Variants in SHANK1 observed in about 807,000 individuals in gnomAD.
The protein encoded by SHANK1 is SH3 and multiple ankyrin repeat domains 1.
A neutral mutation model predicts 165.6 loss-of-function variants in SHANK1; 35 were observed. The ratio of observed to expected loss-of-function variants is 0.21; its 90% CI spans 0.16 to 0.28. The LOEUF (loss-of-function observed/expected upper bound fraction) is 0.28, where lower values mean the gene tolerates loss of function less well. SHANK1 is among the 10% of genes least tolerant of loss of function. SHANK1 has a pLI of 1.00. For missense variants in SHANK1, 2,681 were observed against 3,036.4 expected (o/e 0.88, Z 2.75); for synonymous variants, 1,428 against 1,384.8 (o/e 1.03, Z -0.69).
rs1985153381 is a variant in SHANK1 at position 50,660,314 on chromosome 19, C to T, written c.*1651G>A. 1.3e-5 allele frequency among the ~76,000 whole-genome samples: 2 copies of T among 151,786 alleles called. No individual in the cohort carries two copies. Among genetic ancestry groups the T allele is most frequent in the Admixed American group, 6.6e-5 (1 of 15,238 alleles). Reference sequence around the variant, plus strand: ...AGGTTAGGAGAGGGCAATCTTCGTGCAAAAGGGATGGACAGATGGCCCAGG... The same window carrying T: ...AGGTTAGGAGAGGGCAATCTTCGTGTAAAAGGGATGGACAGATGGCCCAGG... On this transcript the variant is annotated 3_prime_UTR_variant, in exon 24 of 24. Coordinates refer to ENST00000293441, the MANE Select transcript of SHANK1 (RefSeq NM_016148.5).
At chr19:50,689,474 C>A in intron 15 of SHANK1, 195 bp from the exon 16 acceptor site, 1 of 696,290 alleles carries the variant, frequency 1.4e-6, no homozygotes. Flanking sequence ...TCAGAGCCGG[C>A]ATGCTCTCTC....
chr19:50,696,328 G>A (rs1174686119), intron 15 of SHANK1, among the ~76,000 whole-genome samples: 1 of 152,072 alleles, frequency 6.6e-6, no homozygotes, highest in African/African-American at 2.4e-5. Context: ...AGGCAAACAC[G>A]CACAACGGTC....
In SHANK1 at chr19:50,691,310, C is replaced by T. The variant is rs181841958; in HGVS notation, c.1965-2031G>A. Among the ~76,000 whole-genome samples the T allele has an allele frequency of 2.3e-3, 347 of 152,224 alleles. 1 individual carries two copies. Among genetic ancestry groups the T allele is most frequent in the Middle Eastern group, 0.01 (3 of 294 alleles). On this transcript the variant is annotated intron_variant, in intron 15 of 23. Coordinates refer to ENST00000293441, the MANE Select transcript of SHANK1 (RefSeq NM_016148.5). Reference sequence around the variant, plus strand: ...CCATGCATTCTGTAATGTCCCCATTCCCACCTTCTTACTCCTCCTCCTGTA... The same window carrying T: ...CCATGCATTCTGTAATGTCCCCATTTCCACCTTCTTACTCCTCCTCCTGTA...
chr19:50,688,195 T>C lies in SHANK1; in HGVS notation c.2173-137A>G. ...GGCTATGTTCCTCTCCCTCCGACCC[T>C]TCATACCACCGCCTCCCTGGGCAAG... On this transcript the variant is annotated intron_variant, in intron 17 of 23. Transcript: ENST00000293441. This position sits in a 1 kb window ranked among gnomAD's most constrained non-coding sequence, Gnocchi z 6.7. 9.2e-7 allele frequency: 1 copy of C among 1,081,636 alleles called. No homozygotes were observed. Among genetic ancestry groups the C allele is most frequent in the Non-Finnish European group, 1.3e-6 (1 of 753,194 alleles). The allele number at this position is 1,081,636 out of a possible 1,614,324, so 67.0% of individuals were successfully genotyped here.
chr19:50,712,943 G>C (rs2089024845), intron 6 of SHANK1, among the ~76,000 whole-genome samples: 1 of 152,220 alleles, frequency 6.6e-6, no homozygotes, highest in Non-Finnish European at 1.5e-5. Flanking sequence ...AGGTCTGGAG[G>C]CTGGGAGGGG....
At position 50,713,212 on chromosome 19, in the gene SHANK1, G is replaced by A. The variant is rs2089028677; in HGVS notation, c.792+586C>T. ...TGAAGAGCAATCAGGTGTCCTGGCG[G>A]GGGCAGGGGGAGAAGAGTATTTTAA... On this transcript the variant is annotated intron_variant, in intron 6 of 23. Transcript: ENST00000293441. The surrounding 1 kb of genome is among the most constrained non-coding windows in gnomAD (Gnocchi z 6.2). 1.3e-5 allele frequency among the ~76,000 whole-genome samples: 2 copies of A among 152,200 alleles called. No homozygotes were observed. Among genetic ancestry groups the A allele is most frequent in the South Asian group, 4.1e-4 (2 of 4,832 alleles).
In SHANK1 at chr19:50,697,420, G is replaced by A. The variant is rs531538827; in HGVS notation, c.1937+169C>T. On this transcript the variant is annotated intron_variant, in intron 14 of 23. Transcript: ENST00000293441. This position sits in a 1 kb window ranked among gnomAD's most constrained non-coding sequence, Gnocchi z 4.7. ...TTAGTGGCTGCCGAAGATGGTTTGG[G>A]GTTGGGCTGTACTGTCTGAAGCTAA... Among the ~76,000 whole-genome samples the A allele has an allele frequency of 6.6e-6, 1 of 152,286 alleles. No individual in the cohort carries two copies. The highest frequency in any genetic ancestry group is 2.1e-4 in the South Asian group (1 of 4,816).
chr19:50,702,581 C>T lies in SHANK1; in HGVS notation c.1633G>A (p.Gly545Arg), dbSNP rs773248017. 1.2e-5 allele frequency: 20 copies of T among 1,608,968 alleles called. No homozygotes were observed. Among genetic ancestry groups the T allele is most frequent in the East Asian group, 4.5e-5 (2 of 44,658 alleles). ...GCTGAGTAGAGCTTCCTCCGCCTCC[C>T]GCGGCTGCCCAGGGAGCCCCCGGGG... ...GGPGGSLGSR[G>R]RRRKLYSAVP... Residue 545 changes from glycine (G) to arginine (R), a missense_variant, in exon 12 of 24, where the codon GGG becomes AGG. Physicochemically the swap from Gly to Arg is moderately radical, Grantham distance 125. This residue lies in a region of SHANK1 where 195 missense variants were observed against 186.2 expected (regional missense o/e 1.05). Transcript: ENST00000293441. The surrounding 1 kb of genome is among the most constrained non-coding windows in gnomAD (Gnocchi z 5.3).
intron 21 of SHANK1, among the ~76,000 whole-genome samples, chr19:50,672,525 C>A (rs1985832066): frequency 7.6e-6 from 1 of 131,306 alleles, no homozygotes; most frequent in African/African-American, 3.1e-5. Flanking sequence ...CACTGCACTC[C>A]AGCCTGGGCG....
chr19:50,694,583 T>G (rs1215370256), intron 15 of SHANK1, among the ~76,000 whole-genome samples: 4 of 66,420 alleles, frequency 6.0e-5, no homozygotes, highest in South Asian at 1.5e-3. Flanking sequence ...AGGAAGGTCT[T>G]GGGGGAAGAG....
chr19:50,689,059 C>T, intron 16 of SHANK1, 91 bp from the exon 17 acceptor site: 1 of 1,135,942 alleles, frequency 8.8e-7, no homozygotes, highest in Admixed American at 1.9e-5. Flanking sequence ...ACGGAGGCCT[C>T]ACCGCAGCTG....
At chr19:50,704,324 C>A in intron 9 of SHANK1, 113 bp downstream of exon 9, 1 of 1,325,092 alleles carries the variant, frequency 7.5e-7, no homozygotes, top group Non-Finnish European at 1.1e-6. Context: ...CCAGCTCCCC[C>A]TCCACGGCCT....
chr19:50,664,789 C>G (rs1422674273), intron 23 of SHANK1, among the ~76,000 whole-genome samples: 2 of 152,164 alleles, frequency 1.3e-5, no homozygotes, highest in East Asian at 1.9e-4. Context: ...GAGTCTCACT[C>G]TGTCACCCAG....
rs1986356037 is a variant in SHANK1 at position 50,686,839 on chromosome 19, C to A, written c.2390-27G>T. 6.2e-7 allele frequency: 1 copy of A among 1,612,552 alleles called. No individual in the cohort carries two copies. Among genetic ancestry groups the A allele is most frequent in the Admixed American group, 1.7e-5 (1 of 59,898 alleles). The stretch of plus-strand genomic sequence containing the variant: ...TGTGGGCAAAGAACACGGATGACGC[C>A]CAGGGAGCCCCCGGGGGCGGGGCGG... On this transcript the variant is annotated intron_variant, in intron 19 of 23. Coordinates refer to ENST00000293441, the MANE Select transcript of SHANK1 (RefSeq NM_016148.5). The surrounding 1 kb of genome is among the most constrained non-coding windows in gnomAD (Gnocchi z 5.7).
At position 50,686,716 on chromosome 19, in the gene SHANK1, C is replaced by T. The variant is rs1374617880; in HGVS notation, c.2458+28G>A. 1 of 1,608,902 alleles carries T rather than the reference C, an allele frequency of 6.2e-7. No homozygotes were observed. On this transcript the variant is annotated intron_variant, in intron 20 of 23. Coordinates refer to ENST00000293441, the MANE Select transcript of SHANK1 (RefSeq NM_016148.5). This position sits in a 1 kb window ranked among gnomAD's most constrained non-coding sequence, Gnocchi z 5.7. Reference sequence around the variant, plus strand: ...GGGTGCCGGGGCTGGGGCCCGGCATCCCGAGGAGCAGGGCTGGGCCGTCTT... The same window carrying T: ...GGGTGCCGGGGCTGGGGCCCGGCATTCCGAGGAGCAGGGCTGGGCCGTCTT...
At chr19:50,694,159 G>A (rs2123149949) in intron 15 of SHANK1, among the ~76,000 whole-genome samples, 1 of 151,896 alleles carries the variant, frequency 6.6e-6, no homozygotes, top group East Asian at 2.0e-4. Flanking sequence ...TGGGCTGGGA[G>A]CCCACCATCT....
intron 16 of SHANK1, 97 bp downstream of exon 16, chr19:50,689,100 G>A (rs1986457955): frequency 7.7e-6 from 9 of 1,163,246 alleles, no homozygotes. Flanking sequence ...GGGGTGGTGG[G>A]CGGGCTGGGG....
Position 50,668,096 on chromosome 19 carries a change from G to A in SHANK1, c.3864C>T (p.Ile1288=). ...PGPRLRHSKS[I]DEGMFSAEPY... ...GCTCGGCGGAGAACATGCCCTCGTC[G>A]ATGGATTTGGAGTGGCGCAGCCGCG... is the stretch of plus-strand genomic sequence containing the variant. Residue 1288 remains isoleucine, a synonymous_variant, in exon 23 of 24, where the codon ATC becomes ATT. Coordinates refer to ENST00000293441, the MANE Select transcript of SHANK1 (RefSeq NM_016148.5). 2.0e-6 allele frequency: 3 copies of A among 1,480,712 alleles called. No individual in the cohort carries two copies. The highest frequency in any genetic ancestry group is 2.7e-6 in the Non-Finnish European group (3 of 1,120,978). 91.7% of individuals were successfully genotyped at this position (1,480,712 alleles called of 1,614,324 possible). A position where few individuals can be genotyped will look rare whatever the true frequency, so the allele number is the denominator to read the frequency against.
intron 21 of SHANK1, among the ~76,000 whole-genome samples, chr19:50,674,097 T>A (rs1414350428): frequency 7.1e-6 from 1 of 141,564 alleles, no homozygotes; most frequent in Admixed American, 7.0e-5. Flanking sequence ...GTTGGCCTAT[T>A]TTTTTTTTTT....
Sources: gnomAD v4.1 joint callset for allele counts (sites outside exome capture counted in the v4.1 genomes callset) on GRCh38, gnomAD v4.1.1 for gene constraint, gnomAD v4.1.1 regional missense constraint, Gnocchi (gnomAD v3.1) non-coding constraint, MANE v1.5 for transcripts, NCBI Gene and HGNC (gene_info 2026-07-23, HGNC 2026-07-21) for gene names.